The following ERC2 variants were observed in gnomAD, a reference collection of about 807,000 sequenced individuals.
ERC2 encodes the protein ERC protein 2.
Under a neutral mutation model 114.8 loss-of-function variants are expected in ERC2, and 42 were observed. The observed-to-expected ratio is 0.37, with a 90% confidence interval of 0.29 to 0.47. The LOEUF (loss-of-function observed/expected upper bound fraction) is 0.47, where lower values mean the gene tolerates loss of function less well. Ranked by LOEUF, ERC2 falls within the 20% of genes least tolerant of loss-of-function variation. The pLI is 0.99. For missense variants in ERC2, 939 were observed against 1,150.7 expected (o/e 0.82, Z 2.66); for synonymous variants, 454 against 425.5 (o/e 1.07, Z -0.82).
chr3:56,296,505 C>G, intron 2 of ERC2, 70 bp from the exon 3 acceptor site: 1 of 1,450,622 alleles, frequency 6.9e-7, no homozygotes, highest in Non-Finnish European at 9.2e-7. Context: ...TCAAGTGCCG[C>G]TTGCTGCCAC....
At chr3:56,230,981 C>T (rs772328657) in intron 3 of ERC2, among the ~76,000 whole-genome samples, 11 of 152,226 alleles carry the variant, frequency 7.2e-5, no homozygotes, top group Non-Finnish European at 1.5e-4. Context: ...AGTATCATGA[C>T]ATGGTGTTTT....
At chr3:56,169,105 T>C (rs536506048) in intron 4 of ERC2, among the ~76,000 whole-genome samples, 1 of 152,326 alleles carries the variant, frequency 6.6e-6, no homozygotes, top group South Asian at 2.1e-4. Flanking sequence ...CTTCACATTA[T>C]GCCTCTGGCT....
intron 14 of ERC2, among the ~76,000 whole-genome samples, chr3:55,765,373 G>C (rs914336769): frequency 1.3e-5 from 2 of 152,164 alleles, no homozygotes; most frequent in Admixed American, 1.3e-4. Context: ...AGCCATTGGT[G>C]CTCGTTCAAA....
At chr3:56,318,294 G>T (rs2056964284) in intron 2 of ERC2, among the ~76,000 whole-genome samples, 1 of 152,092 alleles carries the variant, frequency 6.6e-6, no homozygotes, top group South Asian at 2.1e-4. Context: ...TCACACCTCA[G>T]CCTCCCAAGT....
At chr3:55,932,946 C>T (rs1040960206) in intron 13 of ERC2, among the ~76,000 whole-genome samples, 50 of 152,330 alleles carry the variant, frequency 3.3e-4, no homozygotes, top group African/African-American at 1.1e-3. Context: ...TGGTAGCTCA[C>T]GCCTGTAATT....
chr3:55,720,692 T>C (rs1222788918), intron 15 of ERC2, among the ~76,000 whole-genome samples: 4 of 152,166 alleles, frequency 2.6e-5, no homozygotes, highest in African/African-American at 9.7e-5. Flanking sequence ...ACCCTATGTT[T>C]GAACACTGCC....
At chr3:56,121,601 T>G (rs2079581189) in intron 6 of ERC2, among the ~76,000 whole-genome samples, 1 of 152,212 alleles carries the variant, frequency 6.6e-6, no homozygotes, top group Admixed American at 6.5e-5. Context: ...CAGTTAAATA[T>G]TTTTTCTTCT....
chr3:56,025,427 C>A (rs1270271934), intron 7 of ERC2, among the ~76,000 whole-genome samples: 4 of 152,212 alleles, frequency 2.6e-5, no homozygotes, highest in African/African-American at 9.6e-5. Flanking sequence ...CATCTTGAAT[C>A]TGGGGTCCTC....
chr3:55,719,839 C>G (rs899797944), intron 15 of ERC2, among the ~76,000 whole-genome samples: 1 of 152,070 alleles, frequency 6.6e-6, no homozygotes, highest in South Asian at 2.1e-4. Context: ...CCCCAGCAGA[C>G]CCCCCAGAAG....
intron 1 of ERC2, among the ~76,000 whole-genome samples, chr3:56,437,316 C>G (rs1164321840): frequency 6.6e-6 from 1 of 152,216 alleles, no homozygotes; most frequent in Non-Finnish European, 1.5e-5. Context: ...ACTGCCTAGC[C>G]AACCAGCCAC....
chr3:55,520,584 C>T (rs1447660435), intron 17 of ERC2, among the ~76,000 whole-genome samples: 4 of 152,100 alleles, frequency 2.6e-5, no homozygotes, highest in Non-Finnish European at 4.4e-5. Flanking sequence ...TTTTAGAGGC[C>T]TTCTTTCAGA....
chr3:56,010,111 C>CATCGCTGCTGTTGTT (rs1273187695), intron 9 of ERC2, among the ~76,000 whole-genome samples: 1 of 152,164 alleles, frequency 6.6e-6, no homozygotes, highest in Non-Finnish European at 1.5e-5. Flanking sequence ...TTACTATCAT[C>CATCGCTGCTGTTGTT]ATCGCTGCTG....
chr3:55,881,309 T>C (rs1421078414), intron 14 of ERC2, among the ~76,000 whole-genome samples: 2 of 152,154 alleles, frequency 1.3e-5, no homozygotes, highest in African/African-American at 4.8e-5. Flanking sequence ...ATCCAGTGTA[T>C]ACAAAGACTT....
chr3:56,137,613 C>T (rs547932172), intron 6 of ERC2, among the ~76,000 whole-genome samples: 77 of 152,324 alleles, frequency 5.1e-4, no homozygotes, highest in African/African-American at 1.8e-3. Flanking sequence ...CCAAAGACAA[C>T]ATGTAGATGA....
chr3:55,908,941 T>C (rs2064632955), intron 13 of ERC2, among the ~76,000 whole-genome samples: 1 of 152,188 alleles, frequency 6.6e-6, no homozygotes, highest in Non-Finnish European at 1.5e-5. Context: ...TGACATGAAG[T>C]AGTCCCTCGA....
chr3:55,883,035 C>T (rs1371252119), intron 14 of ERC2, among the ~76,000 whole-genome samples: 2 of 152,222 alleles, frequency 1.3e-5, no homozygotes, highest in Non-Finnish European at 2.9e-5. Context: ...TTCCTTCACT[C>T]ATTTTACTAA....
At chr3:55,974,607 A>T (rs994693741) in intron 12 of ERC2, among the ~76,000 whole-genome samples, 4 of 152,118 alleles carry the variant, frequency 2.6e-5, no homozygotes, top group African/African-American at 9.7e-5. Context: ...CCCGCAGGGA[A>T]CCATCTTAAG....
intron 14 of ERC2, among the ~76,000 whole-genome samples, chr3:55,777,944 A>G (rs1343795003): frequency 6.6e-6 from 1 of 152,232 alleles, no homozygotes; most frequent in Non-Finnish European, 1.5e-5. Flanking sequence ...TATTTTCTAA[A>G]GAGAAACAAA....
At chr3:56,032,977 G>GAGAAAGAAAGAA (rs1553782152) in intron 7 of ERC2, among the ~76,000 whole-genome samples, 14 of 45,476 alleles carry the variant, frequency 3.1e-4, no homozygotes, top group African/African-American at 8.3e-4. Flanking sequence ...AAGAAAGAAA[G>GAGAAAGAAAGAA]AGAAAGAAAG....
Sources: gnomAD v4.1 joint callset for allele counts (sites outside exome capture counted in the v4.1 genomes callset) on GRCh38, gnomAD v4.1.1 for gene constraint, MANE v1.5 for transcripts, NCBI Gene and HGNC (gene_info 2026-07-23, HGNC 2026-07-21) for gene names.